Variants in KYAT3 observed in about 807,000 individuals in gnomAD.
The protein encoded by KYAT3 is kynurenine--oxoglutarate transaminase 3.
A neutral mutation model predicts 59.0 loss-of-function variants in KYAT3; 50 were observed. That is an observed-to-expected ratio of 0.85 (90% confidence interval 0.68 to 1.07). The LOEUF (loss-of-function observed/expected upper bound fraction) is 1.07. Among genes scored for constraint, KYAT3 ranks in the 50% least tolerant of loss-of-function variants. KYAT3 has a pLI of 0.00. For missense variants in KYAT3, 497 were observed against 533.3 expected (o/e 0.93, Z 0.67); for synonymous variants, 148 against 177.0 (o/e 0.84, Z 1.30).
Position 88,964,981 on chromosome 1 carries a change from G to A in KYAT3, c.304-3C>T. 6.3e-7 allele frequency: 1 copy of A among 1,592,878 alleles called. No homozygotes were observed. The highest frequency in any genetic ancestry group is 8.5e-7 in the Non-Finnish European group (1 of 1,175,320). Reference sequence around the variant, plus strand: ...GCTTTCACAAGTGATGGATGGCCCTGTTGGATTAAAAATAAGAACAAAACC... The same window carrying A: ...GCTTTCACAAGTGATGGATGGCCCTATTGGATTAAAAATAAGAACAAAACC... On this transcript the variant is annotated splice_region_variant and splice_polypyrimidine_tract_variant and intron_variant, in intron 4 of 13. Transcript: ENST00000260508.
At chr1:88,943,271 T>C (rs912572985) in intron 12 of KYAT3, 79 bp downstream of exon 12, 45 of 1,042,084 alleles carry the variant, frequency 4.3e-5, no homozygotes, top group Non-Finnish European at 5.6e-5. Flanking sequence ...TTTGATCGAT[T>C]TCAAAGCATA....
Position 88,943,438 on chromosome 1 carries a change from A to C in KYAT3, c.1142-15T>G. ...GAGGTCTGGATCTAAAACCACAATG[A>C]AAATTAGGTGGCCTATGAATTTCAT... is the stretch of plus-strand genomic sequence containing the variant. On this transcript the variant is annotated splice_polypyrimidine_tract_variant and intron_variant, in intron 11 of 13. Transcript: ENST00000260508. 3.6e-6 allele frequency: 5 copies of C among 1,404,440 alleles called. No homozygotes were observed. The highest frequency in any genetic ancestry group is 4.9e-6 in the Non-Finnish European group (5 of 1,015,628). The allele number at this position is 1,404,440 out of a possible 1,614,324, so 87.0% of individuals were successfully genotyped here.
chr1:88,929,246 G>A, the KYAT3 span, among the ~76,000 whole-genome samples: 3 of 152,070 alleles, frequency 2.0e-5, no homozygotes, highest in Admixed American at 6.6e-5. Context: ...CCAATTTTAG[G>A]AGTACAGAAA....
chr1:88,939,138 T>G (rs1184756741), intron 13 of KYAT3, among the ~76,000 whole-genome samples: 2 of 152,232 alleles, frequency 1.3e-5, no homozygotes, highest in East Asian at 3.8e-4. Flanking sequence ...TGCAGTTCTA[T>G]TTTTCATTTC....
the KYAT3 span, among the ~76,000 whole-genome samples, chr1:88,921,521 G>C: frequency 6.6e-6 from 1 of 152,124 alleles, no homozygotes; most frequent in Non-Finnish European, 1.5e-5. Context: ...ACAGTGTGAA[G>C]TCTATATGTC....
downstream of KYAT3, among the ~76,000 whole-genome samples, chr1:88,932,711 G>A (rs1489952344): frequency 6.6e-6 from 1 of 152,018 alleles, no homozygotes; most frequent in Non-Finnish European, 1.5e-5. Context: ...GCCCAGGCTG[G>A]TCTTGAACTC....
At chr1:88,927,866 A>G in the KYAT3 span, among the ~76,000 whole-genome samples, 1 of 152,126 alleles carries the variant, frequency 6.6e-6, no homozygotes, top group Admixed American at 6.5e-5. Context: ...ACTAACCCCA[A>G]ATGAGAGAAG....
intron 2 of KYAT3, chr1:88,979,324 A>G (rs1293887559): frequency 6.6e-6 from 1 of 152,190 alleles, no homozygotes; most frequent in African/African-American, 2.4e-5. Flanking sequence ...AACACTCAAA[A>G]AATGTTAATT....
At chr1:88,989,465 T>C (rs1162883387) in intron 1 of KYAT3, among the ~76,000 whole-genome samples, 1 of 152,158 alleles carries the variant, frequency 6.6e-6, no homozygotes, top group Non-Finnish European at 1.5e-5. Context: ...TAATAAGGTT[T>C]GAGTTAAAGC....
At position 88,961,162 on chromosome 1, in the gene KYAT3, G is replaced by C. The variant is rs1478658765; in HGVS notation, c.787+5C>G. On this transcript the variant is annotated splice_donor_5th_base_variant and intron_variant, in intron 8 of 13. Transcript: ENST00000260508. ...AGATATGTGACTCTGTGTTATAGTT[G>C]GTACCTATTTTTAAGTGCTTATTTC... The C allele has an allele frequency of 6.2e-7, 1 of 1,612,926 alleles. No individual in the cohort carries two copies. Among genetic ancestry groups the C allele is most frequent in the Admixed American group, 1.7e-5 (1 of 60,006 alleles).
At chr1:88,952,647 A>G (rs10922525) in intron 10 of KYAT3, among the ~76,000 whole-genome samples, 4,897 of 152,252 alleles carry the variant, frequency 0.032, 232 homozygotes, top group African/African-American at 0.11. Flanking sequence ...AGCCTGTAGA[A>G]CCATGAGCCA....
chr1:88,931,880 C>CA (rs57089214), downstream of KYAT3, among the ~76,000 whole-genome samples: 12,526 of 30,840 alleles, frequency 0.41, 5,068 homozygotes, highest in South Asian at 0.69. Context: ...CCTGCAACTG[C>CA]AAAAAAAAAA....
At chr1:88,931,648 C>G (rs1264702630), downstream of KYAT3, among the ~76,000 whole-genome samples, 1 of 152,026 alleles carries the variant, frequency 6.6e-6, no homozygotes, top group African/African-American at 2.4e-5. Flanking sequence ...ACCACGTCCA[C>G]CTTTAAACAC....
chr1:88,983,142 G>A (rs768090203), intron 2 of KYAT3: 12 of 1,612,322 alleles, frequency 7.4e-6, no homozygotes, highest in South Asian at 1.1e-5. Context: ...CTTGTATCAC[G>A]AGAACTTGGG....
At chr1:88,963,649 C>T (rs983563893) in intron 5 of KYAT3, among the ~76,000 whole-genome samples, 7 of 152,164 alleles carry the variant, frequency 4.6e-5, no homozygotes, top group African/African-American at 1.7e-4. Flanking sequence ...CCTCGTAATC[C>T]ATTTGCAAGT....
chr1:88,964,815 G>A lies in KYAT3; in HGVS notation c.453+14C>T, dbSNP rs1431969173. On this transcript the variant is annotated intron_variant, in intron 5 of 13. Transcript: ENST00000260508. ...TGATTAATATGGGTATTACGATAAT[G>A]TTAATATACTTACTTCATCTCCCTC... The A allele has an allele frequency of 1.3e-6, 2 of 1,569,222 alleles. No homozygotes were observed. Among genetic ancestry groups the A allele is most frequent in the African/African-American group, 2.7e-5 (2 of 72,968 alleles).
intron 4 of KYAT3, among the ~76,000 whole-genome samples, chr1:88,967,161 T>G (rs1235141220): frequency 6.6e-6 from 1 of 152,080 alleles, no homozygotes; most frequent in African/African-American, 2.4e-5. Context: ...GATATTGAAC[T>G]GGAGTTTTCT....
chr1:88,954,856 AGC>A (rs1429951346), intron 9 of KYAT3, among the ~76,000 whole-genome samples: 9 of 152,286 alleles, frequency 5.9e-5, no homozygotes, highest in African/African-American at 2.2e-4. Flanking sequence ...CAACTTCCTG[AGC>A]GCAAGTGATC....
chr1:88,992,517 T>C (rs1677871388), intron 1 of KYAT3, 68 bp downstream of exon 1: 3 of 152,572 alleles, frequency 2.0e-5, no homozygotes, highest in Admixed American at 6.5e-5. Flanking sequence ...CCTCGCCCCG[T>C]ACGCCGGGAC....
Sources: gnomAD v4.1 joint callset for allele counts (sites outside exome capture counted in the v4.1 genomes callset) on GRCh38, gnomAD v4.1.1 for gene constraint, MANE v1.5 for transcripts, NCBI Gene and HGNC (gene_info 2026-07-23, HGNC 2026-07-21) for gene names.